UNC5C: variants seen among roughly 807,000 people sequenced by gnomAD.
The protein encoded by UNC5C is netrin receptor UNC5C.
A neutral mutation model predicts 99.8 loss-of-function variants in UNC5C; 47 were observed. The ratio of observed to expected loss-of-function variants is 0.47; its 90% CI spans 0.37 to 0.60. The LOEUF (loss-of-function observed/expected upper bound fraction) is 0.60, where lower values mean the gene tolerates loss of function less well. Ranked by LOEUF, UNC5C falls within the 20% of genes least tolerant of loss-of-function variation. UNC5C has a pLI of 0.00. For synonymous variants in UNC5C, 487 were observed against 452.2 expected (o/e 1.08, Z -0.98); for missense variants, 1,062 against 1,165.9 (o/e 0.91, Z 1.30).
At chr4:95,423,637 A>G (rs1347586413) in intron 1 of UNC5C, among the ~76,000 whole-genome samples, 1 of 152,234 alleles carries the variant, frequency 6.6e-6, no homozygotes, top group African/African-American at 2.4e-5. Context: ...GAGATAAATC[A>G]CACAGAAGAC....
intron 1 of UNC5C, among the ~76,000 whole-genome samples, chr4:95,429,699 TTTTC>T (rs934137613): frequency 1.8e-4 from 28 of 152,240 alleles, no homozygotes; most frequent in African/African-American, 6.7e-4. Context: ...AAGTTAGCAA[TTTTC>T]TTACATTTCT....
chr4:95,481,730 A>T (rs1721162428), intron 1 of UNC5C, among the ~76,000 whole-genome samples: 1 of 152,170 alleles, frequency 6.6e-6, no homozygotes, highest in African/African-American at 2.4e-5. Context: ...CTGATCTTTG[A>T]CGAACCTGAG....
In UNC5C at chr4:95,321,404, C is replaced by T. The variant is rs550866724; in HGVS notation, c.346+14006G>A. ...AAGAATGAAAACAAAAACGTTTATA[C>T]GCAGAAGGTGAGCCCAAATAAGTCA... On this transcript the variant is annotated intron_variant, in intron 2 of 15. Coordinates refer to ENST00000453304, the MANE Select transcript of UNC5C (RefSeq NM_003728.4). Among the ~76,000 whole-genome samples the T allele has an allele frequency of 6.6e-4, 101 of 152,210 alleles. 1 individual carries two copies. The highest frequency in any genetic ancestry group is 1.2e-3 in the Non-Finnish European group (84 of 67,996).
intron 14 of UNC5C, among the ~76,000 whole-genome samples, chr4:95,175,510 T>C (rs1736302756): frequency 6.6e-6 from 1 of 151,934 alleles, no homozygotes; most frequent in Non-Finnish European, 1.5e-5. Context: ...TGAAGCTTAG[T>C]TTGGCTGGAT....
At chr4:95,193,860 C>A (rs555399365) in intron 12 of UNC5C, among the ~76,000 whole-genome samples, 1 of 152,192 alleles carries the variant, frequency 6.6e-6, no homozygotes, top group Non-Finnish European at 1.5e-5. Flanking sequence ...ACTGTCAGCC[C>A]GGCCTCTCCC....
chr4:95,427,796 T>C (rs1158029639), intron 1 of UNC5C, among the ~76,000 whole-genome samples: 1 of 152,138 alleles, frequency 6.6e-6, no homozygotes, highest in Non-Finnish European at 1.5e-5. Context: ...CACAATATCT[T>C]TGAGGTATGT....
chr4:95,347,490 T>C (rs774273200), intron 1 of UNC5C, among the ~76,000 whole-genome samples: 29 of 151,974 alleles, frequency 1.9e-4, no homozygotes, highest in Admixed American at 6.6e-4. Flanking sequence ...AGGAATCACA[T>C]TACCTGATTT....
intron 2 of UNC5C, among the ~76,000 whole-genome samples, chr4:95,328,861 G>A (rs1032561225): frequency 6.6e-6 from 1 of 152,160 alleles, no homozygotes; most frequent in Non-Finnish European, 1.5e-5. Flanking sequence ...TCTACTCACT[G>A]CTGCAGGCTG....
intron 4 of UNC5C, among the ~76,000 whole-genome samples, chr4:95,258,144 T>A (rs1740076152): frequency 1.3e-5 from 2 of 152,190 alleles, no homozygotes; most frequent in Admixed American, 1.3e-4. Flanking sequence ...TATATAAAAT[T>A]CCAAGAAACA....
intron 4 of UNC5C, among the ~76,000 whole-genome samples, chr4:95,252,956 A>G (rs1739800828): frequency 6.6e-6 from 1 of 152,220 alleles, no homozygotes; most frequent in Non-Finnish European, 1.5e-5. Flanking sequence ...CTATGTGCAT[A>G]ACATGCATAT....
chr4:95,531,417 T>C (rs1192786732), intron 1 of UNC5C, among the ~76,000 whole-genome samples: 1 of 152,232 alleles, frequency 6.6e-6, no homozygotes, highest in African/African-American at 2.4e-5. Context: ...GCGGTAATTA[T>C]GCAGGGCAAG....
At chr4:95,387,756 G>A (rs187147684) in intron 1 of UNC5C, among the ~76,000 whole-genome samples, 3 of 152,140 alleles carry the variant, frequency 2.0e-5, no homozygotes, top group Non-Finnish European at 4.4e-5. Context: ...GTTCAGTGTG[G>A]GTTTTCATGT....
rs564381259 is a variant in UNC5C at position 95,268,165 on chromosome 4, C to T, written c.594+10094G>A. ...GACGGGGTTTCACCGTGGTCTCGATCTCCTGACCTCGTGATCCACCCGCTC... is the reference window on the plus strand; with the variant it reads ...GACGGGGTTTCACCGTGGTCTCGATTTCCTGACCTCGTGATCCACCCGCTC... On this transcript the variant is annotated intron_variant, in intron 4 of 15. Coordinates refer to ENST00000453304, the MANE Select transcript of UNC5C (RefSeq NM_003728.4). Among the ~76,000 whole-genome samples the T allele has an allele frequency of 5.3e-5, 8 of 152,110 alleles. No individual in the cohort carries two copies. The East Asian group carries it at 1.4e-3, about 26-fold the overall frequency.
intron 1 of UNC5C, among the ~76,000 whole-genome samples, chr4:95,488,960 G>A (rs2626049): frequency 0.52 from 77,931 of 151,204 alleles, 20,509 homozygotes; most frequent in African/African-American, 0.6. Flanking sequence ...AATTTGGCAT[G>A]TATTTATTCT....
At chr4:95,391,757 TAAAA>T (rs61515733) in intron 1 of UNC5C, among the ~76,000 whole-genome samples, 20 of 125,866 alleles carry the variant, frequency 1.6e-4, no homozygotes, top group Admixed American at 1.6e-4. Flanking sequence ...CCTTTCATGG[TAAAA>T]AAAAAAAAAA....
At chr4:95,365,728 T>C (rs898033721) in intron 1 of UNC5C, among the ~76,000 whole-genome samples, 5 of 152,100 alleles carry the variant, frequency 3.3e-5, no homozygotes, top group Admixed American at 3.3e-4. Flanking sequence ...TAAATATCAA[T>C]GCACATGAAA....
chr4:95,273,428 C>A lies in UNC5C; in HGVS notation c.594+4831G>T, dbSNP rs570823147. ...AGCATCTCGGAATATATTTCTGGCT[C>A]TCCATGTGACAGTAACATTTTCTAG... On this transcript the variant is annotated intron_variant, in intron 4 of 15. Transcript: ENST00000453304. Among the ~76,000 whole-genome samples the A allele has an allele frequency of 1.8e-3, 267 of 152,226 alleles. 1 individual carries two copies. The highest frequency in any genetic ancestry group is 3.0e-3 in the Non-Finnish European group (204 of 68,024).
intron 5 of UNC5C, chr4:95,248,207 T>C: frequency 4.1e-6 from 1 of 243,636 alleles, no homozygotes; most frequent in Non-Finnish European, 8.1e-6. Context: ...TTCCACTCTT[T>C]TAGGATTTTT....
chr4:95,364,165 G>C (rs1221056147), intron 1 of UNC5C, among the ~76,000 whole-genome samples: 1 of 152,092 alleles, frequency 6.6e-6, no homozygotes, highest in Non-Finnish European at 1.5e-5. Flanking sequence ...AGGTCTGAAG[G>C]CTGACAGGTT....
Sources: allele counts gnomAD v4.1 joint callset (sites outside exome capture counted in the v4.1 genomes callset), GRCh38; gene constraint gnomAD v4.1.1; transcripts MANE v1.5; gene names NCBI Gene and HGNC (gene_info 2026-07-23, HGNC 2026-07-21).